The following TRAPPC9 variants were observed in gnomAD, a reference collection of about 807,000 sequenced individuals.
TRAPPC9 encodes the protein IKK2 binding protein.
TRAPPC9 carries 83 observed loss-of-function variants against 124.0 expected under a neutral mutation model. The ratio of observed to expected loss-of-function variants is 0.67; its 90% CI spans 0.56 to 0.80. The LOEUF (loss-of-function observed/expected upper bound fraction) is 0.80. Ranked by LOEUF, TRAPPC9 falls within the 30% of genes least tolerant of loss-of-function variation. TRAPPC9 has a pLI of 0.00. For synonymous variants in TRAPPC9, 638 were observed against 617.5 expected (o/e 1.03, Z -0.49); for missense variants, 1,302 against 1,508.3 (o/e 0.86, Z 2.27).
intron 2 of TRAPPC9, among the ~76,000 whole-genome samples, chr8:140,443,894 G>A (rs1230061605): frequency 7.2e-5 from 11 of 151,760 alleles, no homozygotes; most frequent in African/African-American, 2.7e-4. Context: ...AAATTAGCCA[G>A]GCGTGGTGGC....
At chr8:139,770,072 C>A (rs1820856130) in intron 21 of TRAPPC9, among the ~76,000 whole-genome samples, 1 of 152,246 alleles carries the variant, frequency 6.6e-6, no homozygotes, top group Non-Finnish European at 1.5e-5. Context: ...AAGACCCTGG[C>A]CACCCTGGGC....
intron 21 of TRAPPC9, among the ~76,000 whole-genome samples, chr8:139,830,548 G>T (rs1452268909): frequency 6.8e-6 from 1 of 147,210 alleles, no homozygotes; most frequent in African/African-American, 2.5e-5. Context: ...ACACACAAAC[G>T]AGCAAGCACA....
chr8:140,164,486 T>C (rs571336027), intron 17 of TRAPPC9, among the ~76,000 whole-genome samples: 1 of 152,238 alleles, frequency 6.6e-6, no homozygotes, highest in African/African-American at 2.4e-5. Context: ...TGAACAGCTC[T>C]GCATTTTCCC....
At chr8:139,972,692 ATCTGTACC>A (rs1836180320) in intron 19 of TRAPPC9, among the ~76,000 whole-genome samples, 1 of 152,230 alleles carries the variant, frequency 6.6e-6, no homozygotes, top group Non-Finnish European at 1.5e-5. Flanking sequence ...AGTATGTTTT[ATCTGTACC>A]TCAACTAAGC....
intron 17 of TRAPPC9, among the ~76,000 whole-genome samples, chr8:140,077,680 C>T (rs201010230): frequency 6.6e-6 from 1 of 152,144 alleles, no homozygotes; most frequent in South Asian, 2.1e-4. Context: ...GGACCCTTCC[C>T]ACTGTGGACA....
intron 21 of TRAPPC9, among the ~76,000 whole-genome samples, chr8:139,766,618 C>T (rs1820600253): frequency 6.6e-6 from 1 of 152,188 alleles, no homozygotes; most frequent in Non-Finnish European, 1.5e-5. Context: ...CCAGGTGCTC[C>T]TCCTCATTGA....
chr8:140,035,862 G>C (rs1840843253), intron 17 of TRAPPC9, among the ~76,000 whole-genome samples: 1 of 152,228 alleles, frequency 6.6e-6, no homozygotes, highest in Non-Finnish European at 1.5e-5. Flanking sequence ...AACCCCTGCA[G>C]GAGAAACCTG....
chr8:140,231,283 C>T (rs148790233), intron 16 of TRAPPC9, among the ~76,000 whole-genome samples: 95 of 152,226 alleles, frequency 6.2e-4, no homozygotes, highest in African/African-American at 2.2e-3. Context: ...GAAGTTGTGT[C>T]ATGTGGCAGC....
chr8:140,138,434 G>A (rs956143577), intron 17 of TRAPPC9, among the ~76,000 whole-genome samples: 4 of 151,792 alleles, frequency 2.6e-5, no homozygotes, highest in Non-Finnish European at 4.4e-5. Context: ...GAAGGGGCTC[G>A]GGAGAGGTAA....
At chr8:140,407,431 G>A (rs2069533865) in intron 5 of TRAPPC9, among the ~76,000 whole-genome samples, 1 of 151,150 alleles carries the variant, frequency 6.6e-6, no homozygotes, top group Non-Finnish European at 1.5e-5. Flanking sequence ...GTGGGGGGGG[G>A]CGGGTCAGAA....
rs1048730430 is a variant in TRAPPC9 at position 140,257,593 on chromosome 8, A to C, written c.2279-4664T>G. On this transcript the variant is annotated intron_variant, in intron 15 of 22. Transcript: ENST00000438773. The surrounding 1 kb of genome is among the most constrained non-coding windows in gnomAD (Gnocchi z 4.6). ...TGACATCTGGTGACACCTCCAATAG[A>C]CTCCTAGCATGGGGGGTCCCTGAAT... Among the ~76,000 whole-genome samples the C allele has an allele frequency of 1.3e-5, 2 of 151,750 alleles. No individual in the cohort carries two copies. The highest frequency in any genetic ancestry group is 2.9e-5 in the Non-Finnish European group (2 of 67,950).
At chr8:140,150,334 A>G (rs2130822358) in intron 17 of TRAPPC9, among the ~76,000 whole-genome samples, 2 of 152,310 alleles carry the variant, frequency 1.3e-5, no homozygotes, top group South Asian at 4.1e-4. Flanking sequence ...CTGTAATCCC[A>G]GCTACTCAGG....
At chr8:139,976,566 G>A (rs1225323382) in intron 19 of TRAPPC9, among the ~76,000 whole-genome samples, 17 of 152,128 alleles carry the variant, frequency 1.1e-4, no homozygotes, top group Admixed American at 9.8e-4. Flanking sequence ...ATAATAAGGC[G>A]GCTACGAACC....
intron 16 of TRAPPC9, among the ~76,000 whole-genome samples, chr8:140,250,661 A>G (rs2064112085): frequency 6.6e-6 from 1 of 152,134 alleles, no homozygotes. Context: ...TTTCCTCCAT[A>G]AAACTTGACC....
At chr8:139,997,290 C>T (rs1183251423) in intron 18 of TRAPPC9, among the ~76,000 whole-genome samples, 1 of 151,916 alleles carries the variant, frequency 6.6e-6, no homozygotes, top group African/African-American at 2.4e-5. Context: ...GCACCCTACA[C>T]AGAGAAGACA....
intron 5 of TRAPPC9, among the ~76,000 whole-genome samples, chr8:140,407,700 AC>A (rs2069543957): frequency 6.6e-6 from 1 of 151,544 alleles, no homozygotes; most frequent in Non-Finnish European, 1.5e-5. Context: ...GCTCGCTACA[AC>A]CCCCCTCCTC....
Position 139,776,289 on chromosome 8 carries a change from A to C in TRAPPC9, c.3056-44087T>G, listed in dbSNP as rs1433058045. 6.6e-6 allele frequency among the ~76,000 whole-genome samples: 1 copy of C among 152,184 alleles called. No homozygotes were observed. The highest frequency in any genetic ancestry group is 1.5e-5 in the Non-Finnish European group (1 of 68,018). On this transcript the variant is annotated intron_variant, in intron 21 of 22. Transcript: ENST00000438773. The surrounding 1 kb of genome is among the most constrained non-coding windows in gnomAD (Gnocchi z 4.1). ...GCGCACAGATGAACTCAGCCACTCC[A>C]GGCAAAGCCAACAGGCCCAAACAGG...
At chr8:140,079,610 C>T (rs1038642166) in intron 17 of TRAPPC9, among the ~76,000 whole-genome samples, 4 of 152,170 alleles carry the variant, frequency 2.6e-5, no homozygotes, top group Admixed American at 6.5e-5. Context: ...GGCACACTGG[C>T]AACAAAAACG....
At chr8:139,839,882 C>T (rs936368223) in intron 21 of TRAPPC9, among the ~76,000 whole-genome samples, 3 of 152,216 alleles carry the variant, frequency 2.0e-5, no homozygotes, top group Non-Finnish European at 4.4e-5. Context: ...CCTCTCCCTT[C>T]CGGATGCCTG....
Sources: allele counts gnomAD v4.1 joint callset (sites outside exome capture counted in the v4.1 genomes callset), GRCh38; gene constraint gnomAD v4.1.1; non-coding constraint Gnocchi (gnomAD v3.1); transcripts MANE v1.5; gene names NCBI Gene and HGNC (gene_info 2026-07-23, HGNC 2026-07-21).